Variants in SUN1 observed in about 807,000 individuals in gnomAD.
SUN1 encodes SUN domain-containing protein 1.
A neutral mutation model predicts 103.2 loss-of-function variants in SUN1; 61 were observed. That is an observed-to-expected ratio of 0.59 (90% CI 0.48 to 0.73). The LOEUF (loss-of-function observed/expected upper bound fraction) is 0.73. SUN1 is among the 30% of genes least tolerant of loss of function. SUN1 has a pLI of 0.00. For missense variants in SUN1, 1,052 were observed against 1,034.6 expected (o/e 1.02, Z -0.23); for synonymous variants, 490 against 425.7 (o/e 1.15, Z -1.86).
intron 1 of SUN1, among the ~76,000 whole-genome samples, chr7:824,283 G>T (rs1472219588): frequency 6.6e-6 from 1 of 152,246 alleles, no homozygotes; most frequent in Non-Finnish European, 1.5e-5. Context: ...TGAAAGCTGT[G>T]TGAGCCTCTG....
chr7:836,556 T>TTCTGG (rs1453035892), intron 1 of SUN1, among the ~76,000 whole-genome samples: 2 of 152,098 alleles, frequency 1.3e-5, no homozygotes, highest in African/African-American at 4.8e-5. Flanking sequence ...AGAGCTCATG[T>TTCTGG]TCTGGTTTGA....
chr7:853,594 C>T lies in SUN1; in HGVS notation c.1239C>T (p.Asp413=), dbSNP rs373058985. The change falls in exon 10 of 19, where the codon GAC becomes GAT. Residue 413 remains aspartate, a synonymous_variant. Transcript: ENST00000401592. Reference sequence around the variant, plus strand: ...CCGGGCCGTCAGCTTCGGTCAGAGACGCTGTGGGACAGCCCCCGAGGGAGG... The same window carrying T: ...CCGGGCCGTCAGCTTCGGTCAGAGATGCTGTGGGACAGCCCCCGAGGGAGG... The part of the protein sequence containing the change: ...GAAGPSASVR[D]AVGQPPRETD... 30 of 1,605,286 alleles carry T rather than the reference C, an allele frequency of 1.9e-5. No homozygotes were observed. The highest frequency in any genetic ancestry group is 9.3e-5 in the African/African-American group (7 of 74,900).
At chr7:852,526 A>C in intron 7 of SUN1, 83 bp from the exon 8 acceptor site, 1 of 1,576,730 alleles carries the variant, frequency 6.3e-7, no homozygotes, top group South Asian at 1.1e-5. Context: ...GATTTTGCAC[A>C]AAATTATCTA....
At chr7:839,096 T>A in intron 2 of SUN1, 110 bp downstream of exon 2, 4 of 1,137,896 alleles carry the variant, frequency 3.5e-6, no homozygotes, top group Non-Finnish European at 4.8e-6. Context: ...TAAGGATATG[T>A]GTGTGTATGT....
chr7:843,946 G>T, intron 5 of SUN1: 3 of 1,069,440 alleles, frequency 2.8e-6, no homozygotes, highest in Non-Finnish European at 3.4e-6. Context: ...ATTTCCCGTG[G>T]TCGCTAGCCC....
chr7:859,907 TCGCA>T (rs981399934), intron 13 of SUN1, among the ~76,000 whole-genome samples: 1 of 152,130 alleles, frequency 6.6e-6, no homozygotes, highest in African/African-American at 2.4e-5. Context: ...AGGATGTGGG[TCGCA>T]CACATCCCAC....
At chr7:817,212 C>T (rs976673905) in intron 1 of SUN1, 27 of 575,440 alleles carry the variant, frequency 4.7e-5, no homozygotes, top group Non-Finnish European at 6.8e-5. Context: ...CTCCCGCCTC[C>T]GCCTCCCGAA....
At position 843,568 on chromosome 7, in the gene SUN1, T is replaced by C. The variant is rs763003007; in HGVS notation, c.658+48T>C. 1.3e-5 allele frequency: 21 copies of C among 1,613,574 alleles called. No homozygotes were observed. In the African/African-American group the frequency reaches 1.6e-4, roughly 12 times the overall value. On this transcript the variant is annotated intron_variant, in intron 5 of 18. Coordinates refer to ENST00000401592, the MANE Select transcript of SUN1 (RefSeq NM_001130965.3). ...TCAGAAAAAGGTGTGTTTTCCAAATTTAATATTTCCTTTCTGTAAGTCTCA... is the reference window on the plus strand; with the variant it reads ...TCAGAAAAAGGTGTGTTTTCCAAATCTAATATTTCCTTTCTGTAAGTCTCA...
Position 853,525 on chromosome 7 carries a change from A to G in SUN1, c.1170A>G (p.Leu390=), listed in dbSNP as rs1189797442. The change falls in exon 10 of 19, where the codon CTA becomes CTG. Residue 390 remains leucine, a synonymous_variant. Coordinates refer to ENST00000401592, the MANE Select transcript of SUN1 (RefSeq NM_001130965.3). ...GENLRELTTL[L]QKLQARVDQM... is the part of the protein sequence containing the mutation. ...ATCTCCGAGAGCTGACCACTTTGCT[A>G]CAGAAGCTGCAGGCTCGGGTGGACC... 1 of 1,613,706 alleles carries G rather than the reference A, an allele frequency of 6.2e-7. No individual in the cohort carries two copies. Among genetic ancestry groups the G allele is most frequent in the Admixed American group, 1.7e-5 (1 of 60,018 alleles).
At chr7:856,494 C>T (rs750496403) in intron 12 of SUN1, 93 bp downstream of exon 12, 11 of 1,446,652 alleles carry the variant, frequency 7.6e-6, no homozygotes, top group Non-Finnish European at 1.1e-5. Flanking sequence ...GGACCCGGGG[C>T]CGGCCTCCCC....
At chr7:832,666 G>A in intron 1 of SUN1, 65 bp downstream of exon 1, 4 of 1,315,752 alleles carry the variant, frequency 3.0e-6, no homozygotes, top group Non-Finnish European at 4.3e-6. Context: ...CGGTGGCGTG[G>A]ACCTTAACAG....
At chr7:817,437 A>G in intron 1 of SUN1, 3 of 1,535,982 alleles carry the variant, frequency 2.0e-6, no homozygotes, top group Non-Finnish European at 2.6e-6. Context: ...GGCGGGGAAC[A>G]CCTTGCCACT....
chr7:842,797 T>C (rs1261232170), intron 3 of SUN1: 1 of 275,572 alleles, frequency 3.6e-6, no homozygotes, highest in Non-Finnish European at 7.1e-6. Flanking sequence ...ATGTGCTAAT[T>C]TTGGGAAGCC....
intron 11 of SUN1, among the ~76,000 whole-genome samples, chr7:856,143 G>A (rs569417796): frequency 3.3e-5 from 5 of 152,330 alleles, no homozygotes; most frequent in African/African-American, 9.6e-5. Flanking sequence ...CCGCCAGGCC[G>A]TTCTCATGTG....
At chr7:815,941 C>T (rs2128098388), upstream of SUN1, 7 of 206,344 alleles carry the variant, frequency 3.4e-5, no homozygotes, top group South Asian at 3.3e-4. Context: ...TGAGCCCCGT[C>T]GGAAGTGGGG....
At chr7:861,242 C>T in intron 14 of SUN1, 138 bp from the exon 15 acceptor site, 1 of 807,778 alleles carries the variant, frequency 1.2e-6, no homozygotes, top group Non-Finnish European at 2.0e-6. Flanking sequence ...TTGACTTCTG[C>T]CATGCCTAGG....
chr7:827,466 GTTTTTTTTTTT>G (rs35772182), upstream of SUN1, among the ~76,000 whole-genome samples: 2,042 of 133,286 alleles, frequency 0.015, 27 homozygotes, highest in Non-Finnish European at 0.022. Flanking sequence ...TCTAAAGTCC[GTTTTTTTTTTT>G]TTTTTTTTTT....
chr7:824,975 A>G (rs1234286262), intron 1 of SUN1, among the ~76,000 whole-genome samples: 2 of 152,168 alleles, frequency 1.3e-5, no homozygotes, highest in South Asian at 4.1e-4. Context: ...GAGACCTTGA[A>G]TTGGACCCCA....
chr7:866,128 G>C (rs545797632), intron 16 of SUN1, 61 bp downstream of exon 16: 2 of 1,430,840 alleles, frequency 1.4e-6, no homozygotes, highest in Non-Finnish European at 2.0e-6. Context: ...TAGTGTTCAC[G>C]GGTCGTAGGT....
Sources: allele counts gnomAD v4.1 joint callset (sites outside exome capture counted in the v4.1 genomes callset), GRCh38; gene constraint gnomAD v4.1.1; transcripts MANE v1.5; gene names NCBI Gene and HGNC (gene_info 2026-07-23, HGNC 2026-07-21).